The following MID1 variants were observed in gnomAD, a reference collection of about 807,000 sequenced individuals.
The protein encoded by MID1 is E3 ubiquitin-protein ligase Midline-1.
A neutral mutation model predicts 40.4 loss-of-function variants in MID1; 7 were observed. The ratio of observed to expected loss-of-function variants is 0.17; its 90% confidence interval spans 0.10 to 0.33. MID1 has a LOEUF of 0.33. Among genes scored for constraint, MID1 ranks in the 10% least tolerant of loss-of-function variants. MID1 has a pLI of 1.00. For missense variants in MID1, 367 were observed against 558.5 expected (o/e 0.66, Z 3.46); for synonymous variants, 229 against 221.2 (o/e 1.04, Z -0.31).
chrX:10,596,979 C>T (rs1323113859), intron 1 of MID1, among the ~76,000 whole-genome samples: 1 of 110,976 alleles, frequency 9.0e-6, no homozygotes, highest in Non-Finnish European at 1.9e-5. Flanking sequence ...AAATATTTCT[C>T]CTTTTGCTAC....
At chrX:10,451,626 G>A (rs931591663) in intron 9 of MID1, among the ~76,000 whole-genome samples, 18 of 111,618 alleles carry the variant, frequency 1.6e-4, no homozygotes, top group African/African-American at 5.9e-4. Context: ...GGAGGGACCC[G>A]GTGGAAGGAA....
At chrX:10,711,811 G>T (rs1683946806) in intron 1 of MID1, among the ~76,000 whole-genome samples, 1 of 112,265 alleles carries the variant, frequency 8.9e-6, no homozygotes, top group Non-Finnish European at 1.9e-5. Flanking sequence ...ACCTGTGAAT[G>T]ATTTAATGCA....
intron 1 of MID1, among the ~76,000 whole-genome samples, chrX:10,783,904 A>C (rs1395877087): frequency 9.1e-6 from 1 of 110,393 alleles, no homozygotes; most frequent in Non-Finnish European, 1.9e-5. Context: ...AAAAAATGGC[A>C]CTCCTATTGG....
rs1351742908 is a variant in MID1, at chrX:10,659,017, A to G, written c.-186-38598T>C. ...CAGTGCTCACCTTTCATCACTCAGT[A>G]TCTACTCATCTCCCTTTGCCTGAAC... On this transcript the variant is annotated intron_variant, in intron 1 of 10. Transcript: ENST00000380785. Among the ~76,000 whole-genome samples the G allele has an allele frequency of 5.4e-5, 6 of 112,042 alleles. No homozygotes were observed. In the East Asian group the frequency reaches 1.7e-3, roughly 31 times the overall value.
chrX:10,643,360 G>C (rs927097768), intron 1 of MID1, among the ~76,000 whole-genome samples: 1 of 111,812 alleles, frequency 8.9e-6, no homozygotes, highest in African/African-American at 3.3e-5. Flanking sequence ...CAAAGGATAT[G>C]AACAGACACT....
chrX:10,640,148 C>G (rs1282011890), intron 1 of MID1, among the ~76,000 whole-genome samples: 1 of 111,720 alleles, frequency 9.0e-6, no homozygotes, highest in African/African-American at 3.3e-5. Context: ...ATGACAGGAT[C>G]AAATTCACAC....
intron 1 of MID1, among the ~76,000 whole-genome samples, chrX:10,616,548 T>C (rs1213529469): frequency 8.9e-6 from 1 of 112,267 alleles, no homozygotes; most frequent in Non-Finnish European, 1.9e-5. Context: ...TGGATGTCTA[T>C]TTACCACACA....
intron 1 of MID1, among the ~76,000 whole-genome samples, chrX:10,799,337 AG>A (rs1234754651): frequency 8.9e-6 from 1 of 112,188 alleles, no homozygotes; most frequent in Non-Finnish European, 1.9e-5. Flanking sequence ...TAAAGGAAGT[AG>A]TACTGAGTTT....
intron 1 of MID1, among the ~76,000 whole-genome samples, chrX:10,652,736 T>C (rs866987319): frequency 3.5e-4 from 39 of 111,664 alleles, no homozygotes; most frequent in African/African-American, 1.2e-3. Flanking sequence ...CGTCAGTTCT[T>C]CACAGACGCC....
At chrX:10,516,700 C>T (rs928092180) in intron 3 of MID1, among the ~76,000 whole-genome samples, 3 of 109,962 alleles carry the variant, frequency 2.7e-5, no homozygotes, top group East Asian at 2.9e-4. Flanking sequence ...ACTGTAGCCT[C>T]GACCTCCCAG....
chrX:10,463,492 A>AAAT (rs2063852601), intron 7 of MID1, among the ~76,000 whole-genome samples: 1 of 112,596 alleles, frequency 8.9e-6, no homozygotes, highest in Non-Finnish European at 1.9e-5. Context: ...ATACTTCTCC[A>AAAT]AATAATAGGA....
intron 1 of MID1, among the ~76,000 whole-genome samples, chrX:10,693,938 C>A (rs957439870): frequency 3.6e-5 from 4 of 112,305 alleles, no homozygotes; most frequent in African/African-American, 9.7e-5. Context: ...GTAGCAAAAC[C>A]TAACCTCTTC....
chrX:10,525,328 G>A (rs1445620397), intron 2 of MID1, among the ~76,000 whole-genome samples: 1 of 111,835 alleles, frequency 8.9e-6, no homozygotes, highest in Non-Finnish European at 1.9e-5. Context: ...ATTTTTTAAT[G>A]AATGCATTTT....
rs866047016 is a variant in MID1 at position 10,683,770 on chromosome X, C to G, written c.-186-63351G>C. ...CTGCACAGAAGGAATTGCACGTCAT[C>G]TTTTTTTTTTTTTTTTTTTTTTTTT... is the stretch of plus-strand genomic sequence containing the variant. On this transcript the variant is annotated intron_variant, in intron 1 of 10. Coordinates refer to the MID1 transcript ENST00000380785. Among the ~76,000 whole-genome samples the G allele has an allele frequency of 1.8e-4, 8 of 45,092 alleles. No individual in the cohort carries two copies. The East Asian group carries it at 5.7e-3, about 32-fold the overall frequency. The allele number at this position is 45,092 out of a possible 115,157, so 39.2% of individuals were successfully genotyped here.
At chrX:10,693,420 G>A (rs113077089) in intron 1 of MID1, among the ~76,000 whole-genome samples, 1 of 108,176 alleles carries the variant, frequency 9.2e-6, no homozygotes, top group South Asian at 4.1e-4. Flanking sequence ...TTGAACTCGT[G>A]GGCTCAAGTA....
At chrX:10,470,807 T>C (rs1218191048) in intron 6 of MID1, among the ~76,000 whole-genome samples, 1 of 112,366 alleles carries the variant, frequency 8.9e-6, no homozygotes, top group Non-Finnish European at 1.9e-5. Context: ...TTTCAGTAAC[T>C]GGTTTTATGA....
chrX:10,567,677 C>A, intron 1 of MID1, 74 bp from the exon 2 acceptor site: 1 of 660,569 alleles, frequency 1.5e-6, no homozygotes, highest in South Asian at 2.4e-5. Flanking sequence ...TTGAATGCAT[C>A]TCAGAATAAT....
intron 1 of MID1, among the ~76,000 whole-genome samples, chrX:10,719,778 T>C (rs568857207): frequency 0.094 from 10,402 of 110,607 alleles, 789 homozygotes; most frequent in African/African-American, 0.25. Flanking sequence ...GGAGGCATCA[T>C]GCTACCTGAC....
chrX:10,531,030 C>T (rs762004994), intron 2 of MID1, among the ~76,000 whole-genome samples: 182 of 111,844 alleles, frequency 1.6e-3, no homozygotes, highest in Non-Finnish European at 2.4e-3. Flanking sequence ...GGTCTGGATA[C>T]CTTTCAAGGC....
Sources: allele counts gnomAD v4.1 joint callset (sites outside exome capture counted in the v4.1 genomes callset), GRCh38; gene constraint gnomAD v4.1.1; transcripts MANE v1.5; gene names NCBI Gene and HGNC (gene_info 2026-07-23, HGNC 2026-07-21).